The following GSTCD variants were observed in gnomAD, a reference collection of about 807,000 sequenced individuals.
GSTCD encodes glutathione S-transferase C-terminal domain-containing protein.
A neutral mutation model predicts 68.3 loss-of-function variants in GSTCD; 44 were observed. That is an observed-to-expected ratio of 0.64 (90% CI 0.51 to 0.83). GSTCD has a LOEUF of 0.83. Among genes scored for constraint, GSTCD ranks in the 40% least tolerant of loss-of-function variants. The pLI is 0.00. For missense variants in GSTCD, 739 were observed against 735.9 expected (o/e 1.00, Z -0.05); for synonymous variants, 273 against 255.2 (o/e 1.07, Z -0.67).
At chr4:105,724,378 TAA>T (rs1382463503) in intron 3 of GSTCD, among the ~76,000 whole-genome samples, 1 of 151,714 alleles carries the variant, frequency 6.6e-6, no homozygotes, top group Non-Finnish European at 1.5e-5. Flanking sequence ...TTTGAAAAAA[TAA>T]AAGTCTTACT....
chr4:105,807,415 C>T (rs1722561169), intron 5 of GSTCD: 1 of 152,094 alleles, frequency 6.6e-6, no homozygotes, highest in Non-Finnish European at 1.5e-5. Flanking sequence ...AGCGCTCTCA[C>T]TCTCTTTGAA....
At chr4:105,785,258 C>T (rs1455485118) in intron 5 of GSTCD, among the ~76,000 whole-genome samples, 1 of 151,944 alleles carries the variant, frequency 6.6e-6, no homozygotes, top group Non-Finnish European at 1.5e-5. Flanking sequence ...AATATAAAGT[C>T]ATCACAGGAA....
intron 5 of GSTCD, among the ~76,000 whole-genome samples, chr4:105,731,592 T>C (rs1381570389): frequency 1.3e-5 from 2 of 152,222 alleles, no homozygotes; most frequent in African/African-American, 4.8e-5. Flanking sequence ...CCTGTGACTT[T>C]GCTGAAGTTG....
chr4:105,761,698 T>A (rs1455161515), intron 5 of GSTCD: 2 of 152,150 alleles, frequency 1.3e-5, no homozygotes, highest in Non-Finnish European at 2.9e-5. Flanking sequence ...CTGGCTTGTA[T>A]TGCTATTTAC....
At chr4:105,730,930 G>T (rs1348523978) in intron 5 of GSTCD, among the ~76,000 whole-genome samples, 2 of 152,162 alleles carry the variant, frequency 1.3e-5, no homozygotes, top group Non-Finnish European at 2.9e-5. Flanking sequence ...GGGGTGTAAG[G>T]AAGGGATCGA....
In GSTCD at chr4:105,710,238, T is replaced by TA. The variant is rs1560787819; in HGVS notation, c.-22+1222_-22+1223insA. Among the ~76,000 whole-genome samples the TA allele has an allele frequency of 8.7e-4, 117 of 134,116 alleles. 1 individual carries two copies. In the Middle Eastern group the frequency reaches 0.021, roughly 24 times the overall value. The allele number at this position is 134,116 out of a possible 152,430, so 88.0% of individuals were successfully genotyped here. ...TGTAGTAGTGGGCCCATCAATTTTT[T>TA]TTTTTTTTTTTTTTTTTGAGCTGGA... On this transcript the variant is annotated intron_variant, in intron 1 of 11. Transcript: ENST00000515279.
At chr4:105,755,481 A>G (rs188747673) in intron 5 of GSTCD, among the ~76,000 whole-genome samples, 3 of 152,282 alleles carry the variant, frequency 2.0e-5, no homozygotes, top group African/African-American at 7.2e-5. Context: ...AGTGTTTTTC[A>G]TACTCTAACT....
chr4:105,740,520 GTTAT>G (rs1733599437), intron 5 of GSTCD, among the ~76,000 whole-genome samples: 1 of 152,048 alleles, frequency 6.6e-6, no homozygotes. Context: ...TTATGATGTA[GTTAT>G]TTATTAGTTG....
chr4:105,812,652 AATAT>A (rs1158521376), intron 5 of GSTCD, among the ~76,000 whole-genome samples: 1 of 152,184 alleles, frequency 6.6e-6, no homozygotes, highest in Admixed American at 6.5e-5. Context: ...GTAAGTCTTG[AATAT>A]ATATATTTTT....
intron 5 of GSTCD, among the ~76,000 whole-genome samples, chr4:105,767,298 C>T (rs991458623): frequency 1.3e-5 from 2 of 152,124 alleles, no homozygotes; most frequent in East Asian, 1.9e-4. Context: ...TCTATTTATA[C>T]ATCCAGTTAG....
chr4:105,818,453 CA>C (rs1439565581), intron 5 of GSTCD, among the ~76,000 whole-genome samples: 1 of 151,780 alleles, frequency 6.6e-6, no homozygotes, highest in African/African-American at 2.4e-5. Context: ...AAAGAAATGT[CA>C]CTTGTGTAGA....
chr4:105,740,842 C>A (rs1733609011), intron 5 of GSTCD, among the ~76,000 whole-genome samples: 1 of 151,964 alleles, frequency 6.6e-6, no homozygotes, highest in Admixed American at 6.6e-5. Context: ...TTAGCAAATA[C>A]CCTCAGGGCA....
intron 3 of GSTCD, among the ~76,000 whole-genome samples, chr4:105,722,772 CT>C (rs200607856): frequency 4.8e-5 from 7 of 147,040 alleles, no homozygotes; most frequent in East Asian, 4.0e-4. Flanking sequence ...AATAGATCAT[CT>C]TTTTTTTTTC....
intron 5 of GSTCD, among the ~76,000 whole-genome samples, chr4:105,783,639 C>T (rs1191893715): frequency 1.3e-5 from 2 of 151,984 alleles, no homozygotes; most frequent in Non-Finnish European, 2.9e-5. Flanking sequence ...AGGCACTGCA[C>T]CCGTTTAACC....
At chr4:105,814,212 T>C (rs1722873706) in intron 5 of GSTCD, among the ~76,000 whole-genome samples, 3 of 152,320 alleles carry the variant, frequency 2.0e-5, no homozygotes, top group South Asian at 2.1e-4. Flanking sequence ...CCATTGTTAC[T>C]TAGGATAAGA....
At chr4:105,711,377 C>T (rs531280632) in intron 1 of GSTCD, among the ~76,000 whole-genome samples, 1 of 152,322 alleles carries the variant, frequency 6.6e-6, no homozygotes, top group South Asian at 2.1e-4. Context: ...TCATGATTCC[C>T]TGGCTTTCAG....
At chr4:105,746,036 TACAATTG>T (rs1267356491) in intron 5 of GSTCD, among the ~76,000 whole-genome samples, 2 of 152,012 alleles carry the variant, frequency 1.3e-5, no homozygotes, top group East Asian at 3.9e-4. Flanking sequence ...TACTTTAGAG[TACAATTG>T]ACCCTTGAAT....
chr4:105,722,842 T>A (rs1732915407), intron 3 of GSTCD, among the ~76,000 whole-genome samples: 1 of 151,852 alleles, frequency 6.6e-6, no homozygotes, highest in Non-Finnish European at 1.5e-5. Context: ...GCCAGGTAAC[T>A]ATTTGGTAAT....
At chr4:105,755,449 T>A (rs1201859951) in intron 5 of GSTCD, among the ~76,000 whole-genome samples, 1 of 152,174 alleles carries the variant, frequency 6.6e-6, no homozygotes, top group Non-Finnish European at 1.5e-5. Flanking sequence ...CTGTGGCTTC[T>A]TTGAGATAGA....
Sources: gnomAD v4.1 joint callset for allele counts (sites outside exome capture counted in the v4.1 genomes callset) on GRCh38, gnomAD v4.1.1 for gene constraint, MANE v1.5 for transcripts, NCBI Gene and HGNC (gene_info 2026-07-23, HGNC 2026-07-21) for gene names.